Variants in CRPPA observed in about 807,000 individuals in gnomAD.
CRPPA encodes the protein D-ribitol-5-phosphate cytidylyltransferase.
A neutral mutation model predicts 52.0 loss-of-function variants in CRPPA; 43 were observed. The ratio of observed to expected loss-of-function variants is 0.83; its 90% CI spans 0.65 to 1.07. The LOEUF is 1.07. Ranked by LOEUF, CRPPA falls within the 50% of genes least tolerant of loss-of-function variation. The pLI is 0.00. For missense variants in CRPPA, 629 were observed against 551.7 expected (o/e 1.14, Z -1.40); for synonymous variants, 250 against 203.5 (o/e 1.23, Z -1.94).
chr7:16,406,980 T>C (rs2128318595), intron 1 of CRPPA, among the ~76,000 whole-genome samples: 1 of 152,326 alleles, frequency 6.6e-6, no homozygotes, highest in East Asian at 1.9e-4. Context: ...ATGTTTCTCT[T>C]GTAAAACATT....
intron 5 of CRPPA, among the ~76,000 whole-genome samples, chr7:16,294,823 T>C (rs1468068702): frequency 1.3e-5 from 2 of 151,994 alleles, no homozygotes; most frequent in African/African-American, 4.8e-5. Flanking sequence ...GATGAGAACA[T>C]ACCACAGATG....
At chr7:16,371,022 T>A (rs1187648662) in intron 3 of CRPPA, among the ~76,000 whole-genome samples, 1 of 152,156 alleles carries the variant, frequency 6.6e-6, no homozygotes, top group Non-Finnish European at 1.5e-5. Context: ...GCCAGAACAC[T>A]GGAACAGGAG....
intron 6 of CRPPA, among the ~76,000 whole-genome samples, chr7:16,277,557 A>C (rs1784230484): frequency 6.6e-6 from 1 of 152,188 alleles, no homozygotes. Context: ...AAATACTTGA[A>C]AGTTGTCATA....
chr7:16,346,323 G>A (rs1163288671), intron 3 of CRPPA, among the ~76,000 whole-genome samples: 5 of 152,064 alleles, frequency 3.3e-5, no homozygotes, highest in African/African-American at 1.2e-4. Flanking sequence ...AGAAATAAGA[G>A]GAATAACAAC....
At chr7:16,370,962 G>A (rs1352264667) in intron 3 of CRPPA, among the ~76,000 whole-genome samples, 1 of 152,126 alleles carries the variant, frequency 6.6e-6, no homozygotes, top group Non-Finnish European at 1.5e-5. Flanking sequence ...TCCCTACTTG[G>A]AACATCAACA....
intron 7 of CRPPA, 92 bp from the exon 8 acceptor site, chr7:16,258,574 C>T (rs1249175949): frequency 5.8e-6 from 4 of 687,458 alleles, no homozygotes; most frequent in South Asian, 2.1e-5. Flanking sequence ...TTCTGCATAA[C>T]ATTCAAAATA....
chr7:16,137,313 C>G (rs1283993219), intron 9 of CRPPA, among the ~76,000 whole-genome samples: 2 of 152,214 alleles, frequency 1.3e-5, no homozygotes. Context: ...CCTTGAACTT[C>G]CCAGCTTCCA....
At chr7:16,202,117 A>T (rs753624569) in intron 9 of CRPPA, among the ~76,000 whole-genome samples, 12 of 152,288 alleles carry the variant, frequency 7.9e-5, no homozygotes, top group African/African-American at 2.6e-4. Flanking sequence ...ACTAGCTTTT[A>T]ATTTGAATAT....
intron 8 of CRPPA, among the ~76,000 whole-genome samples, chr7:16,255,194 G>T (rs11773712): frequency 0.11 from 16,383 of 152,144 alleles, 986 homozygotes; most frequent in Non-Finnish European, 0.15. Context: ...ATTCACAATT[G>T]CTACAAAGAG....
At chr7:16,388,862 C>G (rs920751752) in intron 2 of CRPPA, among the ~76,000 whole-genome samples, 7 of 151,836 alleles carry the variant, frequency 4.6e-5, no homozygotes, top group Admixed American at 1.3e-4. Flanking sequence ...GGCGACAGAG[C>G]AAGACTCCAT....
intron 9 of CRPPA, among the ~76,000 whole-genome samples, chr7:16,209,872 C>A (rs889486423): frequency 6.6e-6 from 1 of 152,140 alleles, no homozygotes; most frequent in South Asian, 2.1e-4. Flanking sequence ...AGAATGGCCA[C>A]AAGGTTACTG....
intron 9 of CRPPA, among the ~76,000 whole-genome samples, chr7:16,105,712 A>T (rs1782137946): frequency 2.0e-5 from 3 of 152,082 alleles, no homozygotes; most frequent in Non-Finnish European, 2.9e-5. Context: ...TGTTCAACAA[A>T]ACTTGAGTCC....
chr7:16,253,898 AC>A (rs1251947939), intron 8 of CRPPA, among the ~76,000 whole-genome samples: 1 of 152,170 alleles, frequency 6.6e-6, no homozygotes, highest in East Asian at 1.9e-4. Context: ...CAAGAAAAAA[AC>A]AAACAACCCC....
In CRPPA at chr7:16,308,580, G is replaced by A. The variant is rs749970100; in HGVS notation, c.732C>T (p.Ala244=). The change falls in exon 4 of 10, where the codon GCC becomes GCT. Residue 244 remains alanine, a synonymous_variant. Transcript: ENST00000407010. ...TGGCTTTAGTGCAACAGTATTTTAG[G>A]GCCAATTGCAAACACTCAGTTCCAA... The part of the protein sequence containing the change: ...LEFGTECLQL[A]LKYCCTKAKL... The A allele has an allele frequency of 2.5e-6, 4 of 1,611,312 alleles. No homozygotes were observed. Among genetic ancestry groups the A allele is most frequent in the Non-Finnish European group, 3.4e-6 (4 of 1,178,606 alleles).
At chr7:16,400,742 G>T (rs772839839) in intron 2 of CRPPA, among the ~76,000 whole-genome samples, 1 of 152,240 alleles carries the variant, frequency 6.6e-6, no homozygotes, top group Non-Finnish European at 1.5e-5. Flanking sequence ...CACCTGTGAC[G>T]TGGCACATGA....
chr7:16,187,078 CAT>C (rs1781519859), intron 9 of CRPPA, among the ~76,000 whole-genome samples: 1 of 152,098 alleles, frequency 6.6e-6, no homozygotes, highest in African/African-American at 2.4e-5. Flanking sequence ...TTAAAAGTCT[CAT>C]GTATGCTTCA....
intron 6 of CRPPA, among the ~76,000 whole-genome samples, chr7:16,275,333 G>T (rs897387449): frequency 2.6e-5 from 4 of 152,160 alleles, no homozygotes; most frequent in African/African-American, 9.7e-5. Context: ...AGGGATAACT[G>T]GGGGTCTGGG....
At chr7:16,187,374 T>C (rs1209586756) in intron 9 of CRPPA, among the ~76,000 whole-genome samples, 2 of 152,216 alleles carry the variant, frequency 1.3e-5, no homozygotes, top group African/African-American at 4.8e-5. Context: ...AATATGTATA[T>C]TTACAGTTTT....
At chr7:16,218,848 C>T (rs1782413492) in intron 8 of CRPPA, among the ~76,000 whole-genome samples, 1 of 149,132 alleles carries the variant, frequency 6.7e-6, no homozygotes, top group Non-Finnish European at 1.5e-5. Flanking sequence ...TAATGGGAGA[C>T]TTTAACACCC....
Sources: allele counts gnomAD v4.1 joint callset (sites outside exome capture counted in the v4.1 genomes callset), GRCh38; gene constraint gnomAD v4.1.1; transcripts MANE v1.5; gene names NCBI Gene and HGNC (gene_info 2026-07-23, HGNC 2026-07-21).